NAV3: variants seen among roughly 807,000 people sequenced by gnomAD.
NAV3 encodes pore membrane and/or filament interacting like protein 1.
In NAV3, 87 loss-of-function variants were observed where a neutral mutation model predicts 244.7. The ratio of observed to expected loss-of-function variants is 0.36; its 90% confidence interval spans 0.30 to 0.42. The LOEUF (loss-of-function observed/expected upper bound fraction) is 0.42, where lower values mean the gene tolerates loss of function less well. Among genes scored for constraint, NAV3 ranks in the 20% least tolerant of loss-of-function variants. The pLI is 1.00. For missense variants in NAV3, 2,663 were observed against 2,893.3 expected (o/e 0.92, Z 1.83); for synonymous variants, 1,126 against 1,042.2 (o/e 1.08, Z -1.55).
At chr12:77,632,624 G>A (rs1345699543) in intron 2 of NAV3, among the ~76,000 whole-genome samples, 2 of 152,160 alleles carry the variant, frequency 1.3e-5, no homozygotes, top group East Asian at 3.9e-4. Context: ...AGATTTGAGA[G>A]GGGACACAGC....
At chr12:77,724,172 T>C (rs1044018113) in intron 2 of NAV3, among the ~76,000 whole-genome samples, 3 of 152,094 alleles carry the variant, frequency 2.0e-5, no homozygotes, top group Admixed American at 6.6e-5. Flanking sequence ...CATTCTCTAT[T>C]ACAAATTTCT....
intron 2 of NAV3, among the ~76,000 whole-genome samples, chr12:77,744,620 A>G (rs1359073776): frequency 6.6e-6 from 1 of 151,982 alleles, no homozygotes; most frequent in African/African-American, 2.4e-5. Context: ...TCTTTCAAGG[A>G]AACAACTTCT....
chr12:77,670,804 A>G (rs1873934436), intron 2 of NAV3, among the ~76,000 whole-genome samples: 1 of 152,184 alleles, frequency 6.6e-6, no homozygotes. Context: ...AATAAATGCC[A>G]TCCGTGACAA....
intron 12 of NAV3, among the ~76,000 whole-genome samples, chr12:78,064,666 G>GT (rs1884794690): frequency 6.6e-6 from 1 of 152,042 alleles, no homozygotes; most frequent in African/African-American, 2.4e-5. Flanking sequence ...TCATAACCCT[G>GT]TGTAACTCCC....
At chr12:77,724,611 G>A (rs181998382) in intron 2 of NAV3, among the ~76,000 whole-genome samples, 1 of 151,564 alleles carries the variant, frequency 6.6e-6, no homozygotes, top group Admixed American at 6.6e-5. Flanking sequence ...CTTTGTACTA[G>A]TATTTTTCCA....
chr12:78,076,053 C>T (rs1375690881), intron 12 of NAV3, among the ~76,000 whole-genome samples: 1 of 152,188 alleles, frequency 6.6e-6, no homozygotes, highest in Non-Finnish European at 1.5e-5. Flanking sequence ...TCCCAATGCA[C>T]TTTTTCTCTA....
chr12:78,125,835 G>T (rs2138780311), intron 16 of NAV3, among the ~76,000 whole-genome samples: 1 of 152,074 alleles, frequency 6.6e-6, no homozygotes, highest in African/African-American at 2.4e-5. Flanking sequence ...TCATTAAATT[G>T]CTCTTCATCA....
chr12:77,952,133 G>A lies in NAV3; in HGVS notation c.414+11000G>A, dbSNP rs73144283. On this transcript the variant is annotated intron_variant, in intron 3 of 39. Transcript: ENST00000397909. ...GTTTTAAGAGTTCTTTGTAAACTTC[G>A]GATGATGATTGTGTCTTCTGTAAAT... 9.3e-5 allele frequency among the ~76,000 whole-genome samples: 14 copies of A among 150,986 alleles called. No homozygotes were observed. In the East Asian group the frequency reaches 1.9e-3, roughly 21 times the overall value.
chr12:78,102,709 G>T (rs1166660663), intron 12 of NAV3, among the ~76,000 whole-genome samples: 2 of 152,204 alleles, frequency 1.3e-5, no homozygotes, highest in South Asian at 2.1e-4. Context: ...CTAGGTGGAG[G>T]TTCCCAAACC....
intron 2 of NAV3, among the ~76,000 whole-genome samples, chr12:77,812,364 G>T (rs1872326567): frequency 6.6e-6 from 1 of 151,324 alleles, no homozygotes; most frequent in Non-Finnish European, 1.5e-5. Context: ...AGAGATCAAA[G>T]ATTTAATCCC....
intron 2 of NAV3, among the ~76,000 whole-genome samples, chr12:77,799,535 GAT>G (rs1414427109): frequency 2.6e-5 from 4 of 152,134 alleles, no homozygotes; most frequent in Admixed American, 2.0e-4. Flanking sequence ...TGACAATGAT[GAT>G]TATGCTAATG....
In NAV3 at chr12:78,139,620, G is replaced by A. The variant is rs574657819; in HGVS notation, c.4631-662G>A. On this transcript the variant is annotated intron_variant, in intron 19 of 39. Transcript: ENST00000397909. Reference sequence around the variant, plus strand: ...ACCTTTTGGGTTTAGTACATTGGAAGTATAGGAGTATAAAGCAGAATGTCC... The same window carrying A: ...ACCTTTTGGGTTTAGTACATTGGAAATATAGGAGTATAAAGCAGAATGTCC... Among the ~76,000 whole-genome samples, 5 of 152,168 alleles carry A rather than the reference G, an allele frequency of 3.3e-5. No individual in the cohort carries two copies. In the East Asian group the frequency reaches 7.7e-4, roughly 24 times the overall value.
intron 39 of NAV3, among the ~76,000 whole-genome samples, chr12:78,208,032 C>G (rs1960505452): frequency 6.6e-6 from 1 of 152,064 alleles, no homozygotes; most frequent in African/African-American, 2.4e-5. Flanking sequence ...GTTGCTATAA[C>G]AGACTATTTG....
chr12:77,865,076 A>C (rs147621001), intron 1 of NAV3, among the ~76,000 whole-genome samples: 1 of 152,074 alleles, frequency 6.6e-6, no homozygotes, highest in Non-Finnish European at 1.5e-5. Flanking sequence ...TGAGAAAAGC[A>C]TTTGTATTGG....
At chr12:77,783,771 A>G (rs1870780628) in intron 2 of NAV3, among the ~76,000 whole-genome samples, 1 of 152,212 alleles carries the variant, frequency 6.6e-6, no homozygotes. Flanking sequence ...GCAGATACAT[A>G]CAATTTAATA....
intron 2 of NAV3, among the ~76,000 whole-genome samples, chr12:77,635,303 C>T (rs1317895205): frequency 6.6e-6 from 1 of 152,050 alleles, no homozygotes; most frequent in Non-Finnish European, 1.5e-5. Flanking sequence ...CAAGCAATCT[C>T]CCTATCTCAG....
intron 18 of NAV3, among the ~76,000 whole-genome samples, chr12:78,133,601 A>G (rs1348489198): frequency 1.3e-5 from 2 of 151,762 alleles, no homozygotes; most frequent in Admixed American, 6.6e-5. Context: ...AAATTTTACT[A>G]TAAAAAATCA....
intron 2 of NAV3, among the ~76,000 whole-genome samples, chr12:77,733,151 T>G (rs1877196246): frequency 6.6e-6 from 1 of 152,010 alleles, no homozygotes; most frequent in Non-Finnish European, 1.5e-5. Context: ...AGAACATTTA[T>G]GAGACTGGCA....
chr12:78,098,001 G>GC (rs1195172205), intron 12 of NAV3, among the ~76,000 whole-genome samples: 2 of 151,934 alleles, frequency 1.3e-5, no homozygotes, highest in African/African-American at 4.8e-5. Flanking sequence ...TAAGCAGAAC[G>GC]CCTATAACTA....
Sources: allele counts gnomAD v4.1 joint callset (sites outside exome capture counted in the v4.1 genomes callset), GRCh38; gene constraint gnomAD v4.1.1; transcripts MANE v1.5; gene names NCBI Gene and HGNC (gene_info 2026-07-23, HGNC 2026-07-21).